ZNF717: variants seen among roughly 807,000 people sequenced by gnomAD.
ZNF717 encodes krueppel-like factor X17.
A neutral mutation model predicts 13.8 loss-of-function variants in ZNF717; 9 were observed. The observed-to-expected ratio is 0.65, with a 90% CI of 0.39 to 1.14. The LOEUF (loss-of-function observed/expected upper bound fraction) is 1.14, where lower values mean the gene tolerates loss of function less well. Among genes scored for constraint, ZNF717 ranks in the 50% most tolerant of loss-of-function variants. ZNF717 has a pLI of 0.01. For missense variants in ZNF717, 1,040 were observed against 1,080.7 expected, an observed-to-expected ratio of 0.96 and a Z score of 0.53; for synonymous variants, 327 against 364.1, an observed-to-expected ratio of 0.90 and a Z score of 1.16.
At chr3:75,740,384 T>C (rs1325396036) in intron 4 of ZNF717, among the ~76,000 whole-genome samples, 163 of 152,192 alleles carry the variant, frequency 1.1e-3, no homozygotes, top group African/African-American at 3.6e-3. Context: ...CAGGCCCCTA[T>C]GATGGGTCCT....
chr3:75,779,254 G>A (rs1314052724), intron 2 of ZNF717, among the ~76,000 whole-genome samples: 4 of 150,606 alleles, frequency 2.7e-5, no homozygotes, highest in African/African-American at 9.8e-5. Context: ...AATAATGGGA[G>A]TGATGTGCTA....
At chr3:75,724,775 G>C (rs1158515725) in intron 4 of ZNF717, among the ~76,000 whole-genome samples, 1 of 152,120 alleles carries the variant, frequency 6.6e-6, no homozygotes, top group East Asian at 1.9e-4. Context: ...ACTTACTATT[G>C]CATTTGCACC....
chr3:75,777,979 A>G (rs1307712846), intron 2 of ZNF717, among the ~76,000 whole-genome samples: 1 of 151,542 alleles, frequency 6.6e-6, no homozygotes. Flanking sequence ...CCGGAAACCA[A>G]AAAAAATGGG....
chr3:75,759,221 AT>A (rs1334779280), intron 2 of ZNF717, among the ~76,000 whole-genome samples: 1 of 151,306 alleles, frequency 6.6e-6, no homozygotes, highest in Non-Finnish European at 1.5e-5. Context: ...GCCGTCCTGT[AT>A]TGTACACTTA....
chr3:75,704,152 G>T (rs1937752391), intron 6 of ZNF717, among the ~76,000 whole-genome samples: 1 of 152,312 alleles, frequency 6.6e-6, no homozygotes. Flanking sequence ...TTACTTATAA[G>T]TAGAGACACT....
At chr3:75,751,712 G>A (rs1224246475) in intron 2 of ZNF717, among the ~76,000 whole-genome samples, 1 of 150,172 alleles carries the variant, frequency 6.7e-6, no homozygotes, top group African/African-American at 2.5e-5. Context: ...CCTCACATAG[G>A]ATTCCAGAAC....
downstream of ZNF717, among the ~76,000 whole-genome samples, chr3:75,729,185 T>TA (rs1938371821): frequency 6.6e-6 from 1 of 152,084 alleles, no homozygotes; most frequent in Non-Finnish European, 1.5e-5. Flanking sequence ...AACAGACTGA[T>TA]ACAGTCATCC....
chr3:75,731,205 C>A (rs79436572), downstream of ZNF717, among the ~76,000 whole-genome samples: 1 of 152,094 alleles, frequency 6.6e-6, no homozygotes, highest in Non-Finnish European at 1.5e-5. Flanking sequence ...GGCAAAACCC[C>A]ATCTCTACTA....
In ZNF717 at chr3:75,737,608, T is replaced by G; in HGVS notation, c.2015A>C (p.Lys672Thr). The G allele has an allele frequency of 1.3e-6, 2 of 1,544,018 alleles. No individual in the cohort carries two copies. Among genetic ancestry groups the G allele is most frequent in the Middle Eastern group, 1.7e-4 (1 of 5,964 alleles). ...LTIHQRTHTG[K>T]NRMDVMNVEK... The stretch of plus-strand genomic sequence containing the variant: ...CACATTCATTACATCCATACGGTTT[T>G]TCCCCGTGTGAGTTCTCTGGTGTAT... The change falls in exon 5 of 5, where the codon AAA becomes ACA. Residue 672 changes from lysine (K) to threonine (T), a missense_variant. Transcript: ENST00000652011.
chr3:75,762,058 AAAAG>A (rs1383335486), intron 2 of ZNF717, among the ~76,000 whole-genome samples: 1 of 148,876 alleles, frequency 6.7e-6, no homozygotes, highest in East Asian at 2.0e-4. Flanking sequence ...CATCTCAAAA[AAAAG>A]AAAGAAAGGA....
At chr3:75,733,178 T>C (rs1188899098), downstream of ZNF717, among the ~76,000 whole-genome samples, 1 of 152,084 alleles carries the variant, frequency 6.6e-6, no homozygotes, top group Non-Finnish European at 1.5e-5. Context: ...CTTTAAAAAC[T>C]GAAAAGAATG....
In ZNF717 at chr3:75,778,244, G is replaced by A. The variant is rs572533607; in HGVS notation, c.57+5062C>T. Among the ~76,000 whole-genome samples the A allele has an allele frequency of 2.7e-3, 403 of 151,598 alleles. 5 individuals are homozygous for A. The highest frequency in any genetic ancestry group is 4.4e-3 in the Non-Finnish European group (300 of 67,914). On this transcript the variant is annotated intron_variant, in intron 2 of 4. Transcript: ENST00000652011. The stretch of plus-strand genomic sequence containing the variant: ...GAACCCAAAACAATGGAGCTGACGT[G>A]CTAAAACCGGAACCCAAAACAATGG...
chr3:75,748,603 G>A (rs1309161157), intron 2 of ZNF717, among the ~76,000 whole-genome samples: 2 of 152,108 alleles, frequency 1.3e-5, no homozygotes, highest in Non-Finnish European at 2.9e-5. Flanking sequence ...ATGATTATCT[G>A]AATACACGCA....
chr3:75,733,283 T>A (rs1439644572), downstream of ZNF717, among the ~76,000 whole-genome samples: 3 of 152,274 alleles, frequency 2.0e-5, no homozygotes, highest in East Asian at 5.8e-4. Context: ...AGAAGAAACA[T>A]CTGCAACAAT....
downstream of ZNF717, among the ~76,000 whole-genome samples, chr3:75,705,344 T>C (rs1191769496): frequency 2.0e-5 from 3 of 152,296 alleles, no homozygotes; most frequent in Admixed American, 6.5e-5. Context: ...GCTTCTCTGA[T>C]GCTTGGTCAG....
exon 6 of ZNF717, chr3:75,710,299 A>G (rs1482683967): frequency 6.6e-6 from 1 of 152,256 alleles, no homozygotes; most frequent in Non-Finnish European, 1.5e-5. Flanking sequence ...GAGATGGTGT[A>G]ACCACATGGC....
At chr3:75,703,605 C>T (rs1937740312) in intron 6 of ZNF717, among the ~76,000 whole-genome samples, 2 of 152,166 alleles carry the variant, frequency 1.3e-5, no homozygotes, top group African/African-American at 4.8e-5. Context: ...TTTTGAATAT[C>T]AACTGTATCA....
downstream of ZNF717, among the ~76,000 whole-genome samples, chr3:75,727,217 TA>T: frequency 6.7e-6 from 1 of 149,208 alleles, no homozygotes; most frequent in East Asian, 2.0e-4. Flanking sequence ...GTTAACTGTA[TA>T]AATTGTTTGT....
chr3:75,769,576 A>G (rs1943742515), intron 2 of ZNF717, among the ~76,000 whole-genome samples: 1 of 152,352 alleles, frequency 6.6e-6, no homozygotes, highest in Admixed American at 6.5e-5. Context: ...ATGAGAGATC[A>G]CAAGTAGAAC....
Sources: allele counts gnomAD v4.1 joint callset (sites outside exome capture counted in the v4.1 genomes callset), GRCh38; gene constraint gnomAD v4.1.1; transcripts MANE v1.5; gene names NCBI Gene and HGNC (gene_info 2026-07-23, HGNC 2026-07-21).